The following SLC24A2 variants were observed in gnomAD, a reference collection of about 807,000 sequenced individuals.
The protein encoded by SLC24A2 is solute carrier family 24 member 2.
Under a neutral mutation model 62.0 loss-of-function variants are expected in SLC24A2, and 36 were observed. The ratio of observed to expected loss-of-function variants is 0.58; its 90% CI spans 0.44 to 0.77. The LOEUF (loss-of-function observed/expected upper bound fraction) is 0.77, where lower values mean the gene tolerates loss of function less well. Among genes scored for constraint, SLC24A2 ranks in the 30% least tolerant of loss-of-function variants. The pLI is 0.00. For missense variants in SLC24A2, 846 were observed against 817.9 expected, an observed-to-expected ratio of 1.03 and a Z score of -0.42; for synonymous variants, 358 against 294.0, an observed-to-expected ratio of 1.22 and a Z score of -2.23.
the SLC24A2 span, among the ~76,000 whole-genome samples, chr9:19,850,983 A>ATG: frequency 5.1e-5 from 2 of 39,578 alleles, no homozygotes; most frequent in East Asian, 8.5e-4. Flanking sequence ...ATATATATAT[A>ATG]TGTATATATA....
the SLC24A2 span, among the ~76,000 whole-genome samples, chr9:20,238,915 G>A: frequency 6.6e-6 from 1 of 152,164 alleles, no homozygotes; most frequent in Admixed American, 6.5e-5. Context: ...CCCTATTCCT[G>A]TCTCTTCTTC....
chr9:19,781,622 T>G (rs1191566960), intron 2 of SLC24A2, among the ~76,000 whole-genome samples: 1 of 152,170 alleles, frequency 6.6e-6, no homozygotes, highest in African/African-American at 2.4e-5. Context: ...AAGGAAAATA[T>G]CACCATGCTG....
chr9:19,915,442 A>G, the SLC24A2 span, among the ~76,000 whole-genome samples: 1 of 152,112 alleles, frequency 6.6e-6, no homozygotes, highest in African/African-American at 2.4e-5. Flanking sequence ...TCTCTTGGGC[A>G]TATACCTAGG....
chr9:19,553,092 G>A (rs1834922748), intron 7 of SLC24A2, among the ~76,000 whole-genome samples: 1 of 152,146 alleles, frequency 6.6e-6, no homozygotes, highest in African/African-American at 2.4e-5. Context: ...GGGTGGATTT[G>A]AGAGGTACCC....
chr9:19,951,930 G>C, the SLC24A2 span, among the ~76,000 whole-genome samples: 1 of 152,080 alleles, frequency 6.6e-6, no homozygotes, highest in African/African-American at 2.4e-5. Flanking sequence ...AAGGAGAACT[G>C]ACATTTTTAC....
rs530217057 is a variant in SLC24A2, at chr9:19,731,906, G to T, written c.930+54031C>A. ...TGGCAGCGTAACCTATACATTGTGA[G>T]CCAGTTTGTCCAACCACTTGAGCAA... On this transcript the variant is annotated intron_variant, in intron 2 of 10. Transcript: ENST00000341998. Among the ~76,000 whole-genome samples the T allele has an allele frequency of 2.0e-5, 3 of 152,274 alleles. No homozygotes were observed. In the South Asian group the frequency reaches 6.2e-4, roughly 32 times the overall value.
chr9:19,719,823 T>C (rs923643161), intron 2 of SLC24A2, among the ~76,000 whole-genome samples: 6 of 152,198 alleles, frequency 3.9e-5, no homozygotes, highest in African/African-American at 1.4e-4. Context: ...TGGGTTTCCA[T>C]TAGTTGCACA....
chr9:20,279,185 T>A, the SLC24A2 span, among the ~76,000 whole-genome samples: 1 of 152,154 alleles, frequency 6.6e-6, no homozygotes, highest in Non-Finnish European at 1.5e-5. Context: ...GAACTACAAT[T>A]TAAGATGAGA....
chr9:19,519,629 A>G (rs1340080222), intron 10 of SLC24A2, among the ~76,000 whole-genome samples: 1 of 152,200 alleles, frequency 6.6e-6, no homozygotes, highest in African/African-American at 2.4e-5. Context: ...GCAATGCAGT[A>G]AGCTCTGATG....
chr9:20,291,214 C>T, the SLC24A2 span, among the ~76,000 whole-genome samples: 2 of 152,112 alleles, frequency 1.3e-5, no homozygotes, highest in Admixed American at 6.5e-5. Flanking sequence ...ACGTGGAAAA[C>T]ACAGGAGAGC....
At chr9:19,534,790 G>C (rs112155866) in intron 8 of SLC24A2, among the ~76,000 whole-genome samples, 62 of 152,256 alleles carry the variant, frequency 4.1e-4, no homozygotes, top group African/African-American at 1.4e-3. Context: ...CCAAGTCTTT[G>C]CTATTGTGAA....
chr9:20,012,530 C>T, the SLC24A2 span, among the ~76,000 whole-genome samples: 29 of 151,360 alleles, frequency 1.9e-4, no homozygotes, highest in Non-Finnish European at 4.3e-4. Context: ...ACAGAAAGTC[C>T]TAGCCAGAGG....
chr9:20,042,481 A>C, the SLC24A2 span, among the ~76,000 whole-genome samples: 13 of 152,186 alleles, frequency 8.5e-5, no homozygotes, highest in Non-Finnish European at 1.5e-4. Context: ...AAGAATGAAA[A>C]CCAAAGTTAT....
chr9:20,090,507 T>C, the SLC24A2 span, among the ~76,000 whole-genome samples: 1 of 152,118 alleles, frequency 6.6e-6, no homozygotes, highest in Non-Finnish European at 1.5e-5. Context: ...GCCCCACGCC[T>C]GAGCAAGAGT....
the SLC24A2 span, among the ~76,000 whole-genome samples, chr9:20,117,655 T>C: frequency 6.6e-6 from 1 of 152,148 alleles, no homozygotes; most frequent in African/African-American, 2.4e-5. Context: ...CTCAGAGAAG[T>C]CAACTAGCTT....
At chr9:19,825,294 G>A in the SLC24A2 span, among the ~76,000 whole-genome samples, 1 of 152,124 alleles carries the variant, frequency 6.6e-6, no homozygotes, top group Non-Finnish European at 1.5e-5. Context: ...TCAGGCTCTA[G>A]AGTTTCCCTT....
chr9:19,939,656 AAAAT>A, the SLC24A2 span, among the ~76,000 whole-genome samples: 3 of 152,198 alleles, frequency 2.0e-5, no homozygotes, highest in Non-Finnish European at 4.4e-5. Flanking sequence ...AAATTTGTAA[AAAAT>A]AAAGTAATTG....
At chr9:20,094,714 TA>T in the SLC24A2 span, among the ~76,000 whole-genome samples, 62 of 152,118 alleles carry the variant, frequency 4.1e-4, no homozygotes, top group Admixed American at 1.3e-4. Context: ...TTTTATCAGT[TA>T]AAAAAAATTT....
chr9:19,886,431 T>C, the SLC24A2 span, among the ~76,000 whole-genome samples: 1 of 151,874 alleles, frequency 6.6e-6, no homozygotes, highest in Non-Finnish European at 1.5e-5. Flanking sequence ...AAGACATTTA[T>C]ATGGCAAACA....
Sources: gnomAD v4.1 joint callset for allele counts (sites outside exome capture counted in the v4.1 genomes callset) on GRCh38, gnomAD v4.1.1 for gene constraint, MANE v1.5 for transcripts, NCBI Gene and HGNC (gene_info 2026-07-23, HGNC 2026-07-21) for gene names.